The following CBFA2T3 variants were observed in gnomAD, a reference collection of about 807,000 sequenced individuals.
CBFA2T3 encodes the protein transcriptional corepressor CBFA2T3.
Under a neutral mutation model 58.6 loss-of-function variants are expected in CBFA2T3, and 31 were observed. The ratio of observed to expected loss-of-function variants is 0.53; its 90% CI spans 0.40 to 0.71. The LOEUF is 0.71. Ranked by LOEUF, CBFA2T3 falls within the 30% of genes least tolerant of loss-of-function variation. The pLI, the probability that CBFA2T3 is intolerant of heterozygous loss-of-function variation, is 0.00. For synonymous variants in CBFA2T3, 531 were observed against 421.9 expected (o/e 1.26, Z -3.17); for missense variants, 1,076 against 963.1 (o/e 1.12, Z -1.55).
intron 1 of CBFA2T3, 101 bp from the exon 2 acceptor site, chr16:88,901,757 G>T (rs1168454299): frequency 9.2e-7 from 1 of 1,083,852 alleles, no homozygotes; most frequent in Non-Finnish European, 1.3e-6. Context: ...CTGAGTGTCC[G>T]CCCAGCGCTG....
At chr16:88,880,296 C>G (rs1389020358) in intron 10 of CBFA2T3, among the ~76,000 whole-genome samples, 1 of 152,202 alleles carries the variant, frequency 6.6e-6, no homozygotes, top group Non-Finnish European at 1.5e-5. Context: ...TGCCCCAGCC[C>G]CTCCCCCAAG....
chr16:88,876,778 G>C lies in CBFA2T3; in HGVS notation c.*198C>G. ...ATTAGGTAGCTGAGGCAGGTGCACTGAATGCGGTTTTGTTGGTTCTGTGTC... is the reference window on the plus strand; with the variant it reads ...ATTAGGTAGCTGAGGCAGGTGCACTCAATGCGGTTTTGTTGGTTCTGTGTC... On this transcript the variant is annotated 3_prime_UTR_variant, in exon 12 of 12. Coordinates refer to ENST00000268679, the MANE Select transcript of CBFA2T3 (RefSeq NM_005187.6). 1 of 495,734 alleles carries C rather than the reference G, an allele frequency of 2.0e-6. No individual in the cohort carries two copies. Among genetic ancestry groups the C allele is most frequent in the Non-Finnish European group, 3.5e-6 (1 of 286,588 alleles). The allele number at this position is 495,734 out of a possible 1,614,324, so 30.7% of individuals were successfully genotyped here.
chr16:88,900,726 C>T (rs1006837291), intron 2 of CBFA2T3, among the ~76,000 whole-genome samples: 6 of 152,314 alleles, frequency 3.9e-5, no homozygotes, highest in African/African-American at 7.2e-5. Context: ...GGGACAGGGA[C>T]GCTGCCACCC....
chr16:88,913,933 A>G (rs1970606852), intron 1 of CBFA2T3, among the ~76,000 whole-genome samples: 1 of 152,190 alleles, frequency 6.6e-6, no homozygotes, highest in South Asian at 2.1e-4. Context: ...ACTCCTGGGC[A>G]CAGAACCTGC....
At chr16:88,951,557 G>C (rs978140625) in intron 1 of CBFA2T3, 3 of 365,046 alleles carry the variant, frequency 8.2e-6, no homozygotes, top group South Asian at 4.3e-5. Flanking sequence ...TGGCGACCGG[G>C]TTGCTGCCAT....
intron 2 of CBFA2T3, among the ~76,000 whole-genome samples, chr16:88,900,330 A>G (rs1015444356): frequency 2.2e-4 from 34 of 152,254 alleles, no homozygotes; most frequent in African/African-American, 8.2e-4. Context: ...TCCTACAAAC[A>G]GGGCCGCAAA....
chr16:88,975,158 A>G (rs1052008958), intron 1 of CBFA2T3, among the ~76,000 whole-genome samples: 82 of 136,192 alleles, frequency 6.0e-4, no homozygotes, highest in Admixed American at 1.4e-3. Flanking sequence ...TCAGAGGTCC[A>G]CCCTGACCCT....
chr16:88,896,393 G>A (rs551403414), intron 3 of CBFA2T3, among the ~76,000 whole-genome samples: 6 of 152,278 alleles, frequency 3.9e-5, no homozygotes, highest in East Asian at 1.9e-4. Flanking sequence ...TGGACGCACC[G>A]GCCCTCTGGA....
intron 1 of CBFA2T3, among the ~76,000 whole-genome samples, chr16:88,962,608 A>C (rs983118807): frequency 6.6e-6 from 1 of 152,192 alleles, no homozygotes; most frequent in African/African-American, 2.4e-5. Flanking sequence ...CACATTTGGG[A>C]GGACTGAACA....
intron 8 of CBFA2T3, 134 bp downstream of exon 8, chr16:88,882,542 G>A (rs889853964): frequency 4.5e-6 from 3 of 666,276 alleles, no homozygotes; most frequent in Admixed American, 2.1e-5. Flanking sequence ...ATGGCTGTGT[G>A]CATGGGTGTG....
chr16:88,968,581 C>G (rs1423974368), intron 1 of CBFA2T3, among the ~76,000 whole-genome samples: 1 of 152,202 alleles, frequency 6.6e-6, no homozygotes, highest in Non-Finnish European at 1.5e-5. Flanking sequence ...AACACGTGGT[C>G]CCAACCCTTG....
chr16:88,959,936 C>T (rs536552335), intron 1 of CBFA2T3, among the ~76,000 whole-genome samples: 4 of 152,094 alleles, frequency 2.6e-5, no homozygotes, highest in East Asian at 3.9e-4. Context: ...GGCTGAGGCA[C>T]GAGAATCACT....
chr16:88,896,786 G>A (rs900462176), intron 3 of CBFA2T3, among the ~76,000 whole-genome samples: 2 of 152,204 alleles, frequency 1.3e-5, no homozygotes, highest in Admixed American at 6.5e-5. Context: ...CCTGCCCACC[G>A]CCCCGGCCAG....
chr16:88,971,235 G>A (rs923796393), intron 1 of CBFA2T3, among the ~76,000 whole-genome samples: 2 of 152,052 alleles, frequency 1.3e-5, no homozygotes, highest in Non-Finnish European at 2.9e-5. Context: ...TCAGCCTCCC[G>A]AGTAGCTGGG....
chr16:88,878,438 T>TC (rs1782305839), intron 11 of CBFA2T3, among the ~76,000 whole-genome samples: 2 of 152,162 alleles, frequency 1.3e-5, no homozygotes, highest in African/African-American at 4.8e-5. Context: ...GTCCTGGGGC[T>TC]CCCCTGGAAA....
intron 1 of CBFA2T3, among the ~76,000 whole-genome samples, chr16:88,957,095 C>T (rs1283318346): frequency 6.6e-6 from 1 of 152,256 alleles, no homozygotes; most frequent in African/African-American, 2.4e-5. Flanking sequence ...CAAAACCGCC[C>T]TTGGGCTTCA....
chr16:88,918,860 T>G (rs932347623), intron 1 of CBFA2T3, among the ~76,000 whole-genome samples: 1 of 152,090 alleles, frequency 6.6e-6, no homozygotes, highest in Non-Finnish European at 1.5e-5. Flanking sequence ...GCTCGCCGGG[T>G]TATCAGTGTA....
chr16:88,879,190 C>G (rs1968964931), intron 11 of CBFA2T3, 80 bp downstream of exon 11: 2 of 1,288,086 alleles, frequency 1.6e-6, no homozygotes, highest in Middle Eastern at 2.6e-4. Flanking sequence ...CGTGGAGGCT[C>G]AGAATCCTCA....
At chr16:88,963,731 A>G in intron 1 of CBFA2T3, among the ~76,000 whole-genome samples, 1 of 152,148 alleles carries the variant, frequency 6.6e-6, no homozygotes. Flanking sequence ...TCATGCCTGG[A>G]TTTCCCTGCT....
Sources: gnomAD v4.1 joint callset for allele counts (sites outside exome capture counted in the v4.1 genomes callset) on GRCh38, gnomAD v4.1.1 for gene constraint, MANE v1.5 for transcripts, NCBI Gene and HGNC (gene_info 2026-07-23, HGNC 2026-07-21) for gene names.